The following RIMBP2 variants were observed in gnomAD, a reference collection of about 807,000 sequenced individuals.
The protein encoded by RIMBP2 is RIMS-binding protein 2.
In RIMBP2, 48 loss-of-function variants were observed where a neutral mutation model predicts 118.6. The observed-to-expected ratio is 0.40, with a 90% CI of 0.32 to 0.51. RIMBP2 has a LOEUF of 0.51. Ranked by LOEUF, RIMBP2 falls within the 20% of genes least tolerant of loss-of-function variation. The pLI, the probability that RIMBP2 is intolerant of heterozygous loss-of-function variation, is 0.41. For synonymous variants in RIMBP2, 762 were observed against 742.9 expected (o/e 1.03, Z -0.42); for missense variants, 1,551 against 1,768.3 (o/e 0.88, Z 2.20).
rs780975176 is a variant in RIMBP2 at position 130,436,998 on chromosome 12, A to G, written c.1950T>C (p.Pro650=). ...EAWEQSRAPG[P]VHGHMLEPPV... The stretch of plus-strand genomic sequence containing the variant: ...GCGGCTCCAGCATGTGCCCATGCAC[A>G]GGGCCAGGTGCACGGCTCTGCTCCC... Residue 650 remains proline (P), a synonymous_variant, in exon 13 of 23, where the codon CCT becomes CCC. Coordinates refer to ENST00000690449, the MANE Select transcript of RIMBP2 (RefSeq NM_001393629.1). The G allele has an allele frequency of 1.2e-6, 2 of 1,606,270 alleles. No homozygotes were observed. The highest frequency in any genetic ancestry group is 2.2e-5 in the East Asian group (1 of 44,672).
At chr12:130,692,277 A>G (rs1159776564) in intron 1 of RIMBP2, among the ~76,000 whole-genome samples, 1 of 152,130 alleles carries the variant, frequency 6.6e-6, no homozygotes, top group African/African-American at 2.4e-5. Context: ...CCTTGTGGTC[A>G]GGGCGGGTCT....
At chr12:130,439,422 TATATGTGTATGTGG>T (rs2077849266) in intron 11 of RIMBP2, among the ~76,000 whole-genome samples, 1 of 150,256 alleles carries the variant, frequency 6.7e-6, no homozygotes, top group Non-Finnish European at 1.5e-5. Context: ...TGTATATGGG[TATATGTGTATGTGG>T]GTGTGTGGGT....
intron 2 of RIMBP2, among the ~76,000 whole-genome samples, chr12:130,575,552 C>T (rs1395819369): frequency 2.6e-5 from 4 of 152,202 alleles, no homozygotes; most frequent in South Asian, 4.1e-4. Context: ...AACTACGTGA[C>T]CCATTCCTGC....
At chr12:130,574,959 ACCCC>A (rs1284327896) in intron 2 of RIMBP2, among the ~76,000 whole-genome samples, 2 of 135,760 alleles carry the variant, frequency 1.5e-5, no homozygotes, top group Admixed American at 1.5e-4. Context: ...CCAGAATCAC[ACCCC>A]CCACCGCCAC....
chr12:130,522,316 G>A (rs533909330), intron 2 of RIMBP2, among the ~76,000 whole-genome samples: 16 of 152,356 alleles, frequency 1.1e-4, no homozygotes, highest in South Asian at 8.3e-4. Flanking sequence ...AGGGAGAGCC[G>A]TGTAACACAC....
intron 3 of RIMBP2, among the ~76,000 whole-genome samples, chr12:130,509,114 G>A (rs923768499): frequency 4.6e-5 from 7 of 152,174 alleles, no homozygotes; most frequent in African/African-American, 9.7e-5. Context: ...GGCTGCTGGC[G>A]AGCCTGGCCC....
chr12:130,662,131 G>A (rs543820071), intron 1 of RIMBP2, among the ~76,000 whole-genome samples: 4 of 152,234 alleles, frequency 2.6e-5, no homozygotes, highest in African/African-American at 7.2e-5. Context: ...ATTCATTCCC[G>A]CTCATCACAC....
In RIMBP2 at chr12:130,501,145, G is replaced by A. The variant is rs1319370364; in HGVS notation, c.-4+5503C>T. On this transcript the variant is annotated intron_variant, in intron 4 of 22. Transcript: ENST00000690449. ...CTCCTTCCTGCCTCTCACACTCCAC[G>A]TCCAGTCTATCAGCAAACCCTGTTG... Among the ~76,000 whole-genome samples the A allele has an allele frequency of 3.3e-5, 5 of 152,004 alleles. No homozygotes were observed. The East Asian group carries it at 7.7e-4, about 23-fold the overall frequency.
At chr12:130,618,833 G>C (rs1442526498) in intron 2 of RIMBP2, among the ~76,000 whole-genome samples, 1 of 152,220 alleles carries the variant, frequency 6.6e-6, no homozygotes, top group Admixed American at 6.5e-5. Flanking sequence ...GCTGCACCCA[G>C]TTGTACAAGG....
intron 4 of RIMBP2, among the ~76,000 whole-genome samples, chr12:130,497,302 C>G (rs1327696106): frequency 6.6e-6 from 1 of 152,206 alleles, no homozygotes; most frequent in African/African-American, 2.4e-5. Context: ...AGCTTCTCAC[C>G]TGCCTTCTGC....
At chr12:130,625,581 A>G (rs1824139509) in intron 2 of RIMBP2, among the ~76,000 whole-genome samples, 3 of 152,204 alleles carry the variant, frequency 2.0e-5, no homozygotes, top group Admixed American at 2.0e-4. Flanking sequence ...CTCTCCCTTC[A>G]TGGTGAAATA....
intron 1 of RIMBP2, among the ~76,000 whole-genome samples, chr12:130,638,908 G>A (rs1044376308): frequency 6.6e-5 from 10 of 152,148 alleles, no homozygotes; most frequent in Admixed American, 3.9e-4. Context: ...GAATGCACAA[G>A]ACAAGGAGTA....
chr12:130,519,136 A>G (rs1022105128), intron 2 of RIMBP2, among the ~76,000 whole-genome samples: 2 of 152,248 alleles, frequency 1.3e-5, no homozygotes, highest in African/African-American at 2.4e-5. Flanking sequence ...TGGGACACCC[A>G]CATCTTGAAT....
At chr12:130,685,890 C>T (rs1210774224) in intron 1 of RIMBP2, among the ~76,000 whole-genome samples, 2 of 152,164 alleles carry the variant, frequency 1.3e-5, no homozygotes, top group Non-Finnish European at 2.9e-5. Context: ...TGCGCATCAG[C>T]CAATCTTTCT....
chr12:130,557,683 G>A (rs869888), intron 2 of RIMBP2, among the ~76,000 whole-genome samples: 2,625 of 152,324 alleles, frequency 0.017, 60 homozygotes, highest in African/African-American at 0.057. Context: ...TTATTACACA[G>A]CAATCGGTGA....
intron 1 of RIMBP2, among the ~76,000 whole-genome samples, chr12:130,653,971 G>A (rs1398161238): frequency 1.3e-5 from 2 of 152,196 alleles, no homozygotes; most frequent in African/African-American, 4.8e-5. Flanking sequence ...TAGGCCTCTG[G>A]GCTGTGATGG....
chr12:130,680,012 G>A (rs936762041), intron 1 of RIMBP2, among the ~76,000 whole-genome samples: 2 of 151,986 alleles, frequency 1.3e-5, no homozygotes, highest in African/African-American at 4.8e-5. Context: ...CATGCAGGCA[G>A]TGTGTTCACC....
At chr12:130,604,183 A>G (rs1408368304) in intron 2 of RIMBP2, among the ~76,000 whole-genome samples, 1 of 152,102 alleles carries the variant, frequency 6.6e-6, no homozygotes, top group African/African-American at 2.4e-5. Context: ...AATAGAAAAA[A>G]ATTCTTATGG....
At chr12:130,416,881 C>T (rs1001732652) in intron 17 of RIMBP2, among the ~76,000 whole-genome samples, 2 of 151,898 alleles carry the variant, frequency 1.3e-5, no homozygotes, top group Non-Finnish European at 2.9e-5. Flanking sequence ...AAAATGACTC[C>T]ATTAAAAAGA....
Sources: gnomAD v4.1 joint callset for allele counts (sites outside exome capture counted in the v4.1 genomes callset) on GRCh38, gnomAD v4.1.1 for gene constraint, MANE v1.5 for transcripts, NCBI Gene and HGNC (gene_info 2026-07-23, HGNC 2026-07-21) for gene names.